Variants in GALNT17 observed in about 807,000 individuals in gnomAD.
GALNT17 encodes polypeptide N-acetylgalactosaminyltransferase 17.
A neutral mutation model predicts 63.7 loss-of-function variants in GALNT17; 29 were observed. The observed-to-expected ratio is 0.46, with a 90% CI of 0.34 to 0.62. The LOEUF (loss-of-function observed/expected upper bound fraction) is 0.62, where lower values mean the gene tolerates loss of function less well. Among genes scored for constraint, GALNT17 ranks in the 20% least tolerant of loss-of-function variants. The probability of loss-of-function intolerance (pLI) is 0.01; values close to 1 mark genes in which losing one functional copy is unlikely to be tolerated. For missense variants in GALNT17, 603 were observed against 799.6 expected (o/e 0.75, Z 2.97); for synonymous variants, 305 against 318.3 (o/e 0.96, Z 0.45).
chr7:71,354,742 C>A (rs1792251693), intron 2 of GALNT17, among the ~76,000 whole-genome samples: 1 of 152,082 alleles, frequency 6.6e-6, no homozygotes, highest in Non-Finnish European at 1.5e-5. Flanking sequence ...GGTTTTCAAT[C>A]CTCTGGAACA....
At chr7:71,207,497 C>T (rs1309177996) in intron 1 of GALNT17, among the ~76,000 whole-genome samples, 2 of 152,074 alleles carry the variant, frequency 1.3e-5, no homozygotes, top group Non-Finnish European at 2.9e-5. Context: ...TCTTCTTCTG[C>T]TATGCAGTAC....
intron 1 of GALNT17, among the ~76,000 whole-genome samples, chr7:71,294,599 G>A (rs1791044194): frequency 6.6e-6 from 1 of 151,684 alleles, no homozygotes; most frequent in African/African-American, 2.4e-5. Context: ...ATTTTTAGTG[G>A]AAATGGAGTT....
intron 2 of GALNT17, among the ~76,000 whole-genome samples, chr7:71,364,714 C>G (rs971611683): frequency 1.3e-5 from 2 of 152,152 alleles, no homozygotes; most frequent in African/African-American, 4.8e-5. Context: ...GAAGGCATGA[C>G]TTTGCCTACT....
At chr7:71,504,643 A>G (rs1359784289) in intron 5 of GALNT17, among the ~76,000 whole-genome samples, 3 of 152,148 alleles carry the variant, frequency 2.0e-5, no homozygotes, top group Non-Finnish European at 4.4e-5. Context: ...TTACTTATTT[A>G]CATAGTTTAC....
rs1189549488 is a variant in GALNT17, at chr7:71,401,080, C to CTTTTCT, written c.589+12696_589+12701dup. On this transcript the variant is annotated intron_variant, in intron 3 of 10. Transcript: ENST00000333538. ...TTTTACAATTAGTGTCCTCAATACTCTTTTCTTTTTCTTTTTCTTTTTTTT... is the reference window on the plus strand; with the variant it reads ...TTTTACAATTAGTGTCCTCAATACTCTTTTCTTTTTCTTTTTCTTTTTCTTTTTTTT... 6.0e-4 allele frequency among the ~76,000 whole-genome samples: 89 copies of CTTTTCT among 149,426 alleles called. 2 individuals are homozygous for CTTTTCT. The highest frequency in any genetic ancestry group is 2.1e-4 in the South Asian group (1 of 4,764).
intron 3 of GALNT17, among the ~76,000 whole-genome samples, chr7:71,403,490 C>T (rs1793274457): frequency 6.6e-6 from 1 of 152,166 alleles, no homozygotes. Context: ...TCTCCGCTAG[C>T]TAGAAGAAAC....
At chr7:71,488,202 G>A (rs1440423160) in intron 5 of GALNT17, among the ~76,000 whole-genome samples, 4 of 148,940 alleles carry the variant, frequency 2.7e-5, no homozygotes, top group African/African-American at 9.9e-5. Flanking sequence ...GCCAAGGTAA[G>A]AGGCAAGCCT....
chr7:71,494,115 T>C (rs1584001013), intron 5 of GALNT17, among the ~76,000 whole-genome samples: 6 of 151,684 alleles, frequency 4.0e-5, no homozygotes, highest in Admixed American at 2.6e-4. Flanking sequence ...CTTATGATCA[T>C]GGCAGAAGGT....
At chr7:71,615,795 T>C (rs913187647) in intron 6 of GALNT17, among the ~76,000 whole-genome samples, 2 of 152,116 alleles carry the variant, frequency 1.3e-5, no homozygotes, top group Non-Finnish European at 1.5e-5. Flanking sequence ...GCTTTCTTAC[T>C]TTTTACTCTG....
At chr7:71,175,555 G>C (rs1028268994) in intron 1 of GALNT17, among the ~76,000 whole-genome samples, 1 of 151,374 alleles carries the variant, frequency 6.6e-6, no homozygotes, top group African/African-American at 2.5e-5. Flanking sequence ...ATGAAATAAA[G>C]AAGGAAGGGA....
rs761963240 is a variant in GALNT17, at chr7:71,415,934, C to T, written c.635C>T (p.Pro212Leu). The T allele has an allele frequency of 6.2e-7, 1 of 1,613,398 alleles. No individual in the cohort carries two copies. Among genetic ancestry groups the T allele is most frequent in the East Asian group, 2.2e-5 (1 of 44,850 alleles). The change falls in exon 4 of 11, where the codon CCC (proline) becomes CTC (leucine). Residue 212 changes from proline to leucine, a missense_variant. By Grantham distance (98) the Pro-to-Leu change is moderately conservative. Transcript: ENST00000333538. ...GAGGAGTATGTCCACAAACGCTACC[C>T]CGGGCTGGTGAAGGTGGTAAGAAAT... ...PLEEYVHKRY[P>L]GLVKVVRNQK...
chr7:71,554,259 A>G (rs546890426), intron 5 of GALNT17, among the ~76,000 whole-genome samples: 2 of 152,234 alleles, frequency 1.3e-5, no homozygotes, highest in African/African-American at 4.8e-5. Context: ...GGTTTTTCCC[A>G]TGCTGTTCTC....
intron 6 of GALNT17, among the ~76,000 whole-genome samples, chr7:71,579,998 A>G (rs1227893411): frequency 1.3e-5 from 2 of 152,082 alleles, no homozygotes; most frequent in Non-Finnish European, 2.9e-5. Context: ...TGATAGAGAT[A>G]GTAGGTAATA....
chr7:71,570,063 G>GTT (rs564920059), intron 5 of GALNT17, among the ~76,000 whole-genome samples: 4 of 140,334 alleles, frequency 2.9e-5, no homozygotes, highest in Middle Eastern at 3.6e-3. Flanking sequence ...TTTTTTGGTT[G>GTT]TTTTTTTTTT....
rs541079409 is a variant in GALNT17, at chr7:71,288,281, G to A, written c.239-47269G>A. On this transcript the variant is annotated intron_variant, in intron 1 of 10. Coordinates refer to ENST00000333538, the MANE Select transcript of GALNT17 (RefSeq NM_022479.3). ...TCCATGTGCTGTTCATTAAATAGAA[G>A]TGTATCGTCATAAAGGTCTTCATCC... Among the ~76,000 whole-genome samples, 17 of 150,274 alleles carry A rather than the reference G, an allele frequency of 1.1e-4. No individual in the cohort carries two copies. The East Asian group carries it at 3.3e-3, about 29-fold the overall frequency.
chr7:71,627,522 A>C (rs1269408094), intron 6 of GALNT17, among the ~76,000 whole-genome samples: 1 of 152,220 alleles, frequency 6.6e-6, no homozygotes, highest in East Asian at 1.9e-4. Flanking sequence ...TGGGCAGTCA[A>C]AGGGCAAATG....
chr7:71,264,611 TGTG>T (rs1488117628), intron 1 of GALNT17, among the ~76,000 whole-genome samples: 7 of 151,932 alleles, frequency 4.6e-5, no homozygotes, highest in African/African-American at 1.7e-4. Context: ...ATAAAGAAAA[TGTG>T]GTGTGTATGC....
At chr7:71,231,812 T>C (rs546899525) in intron 1 of GALNT17, among the ~76,000 whole-genome samples, 7 of 151,816 alleles carry the variant, frequency 4.6e-5, no homozygotes, top group African/African-American at 7.3e-5. Flanking sequence ...TCTCTTCTTA[T>C]AAGGGCACTA....
Position 71,709,332 on chromosome 7 carries a change from CAT to C in GALNT17, c.1501-1428_1501-1427del, listed in dbSNP as rs568014540. Among the ~76,000 whole-genome samples, 770 of 152,262 alleles carry C rather than the reference CAT, an allele frequency of 5.1e-3. 7 individuals carry two copies. The highest frequency in any genetic ancestry group is 0.017 in the African/African-American group (704 of 41,568). On this transcript the variant is annotated intron_variant, in intron 9 of 10. Transcript: ENST00000333538. ...ATTAGTGATGATGAGCATTTTTTCA[CAT>C]GTTTGTTGGCCACTTGTATGTCTTC...
Sources: allele counts gnomAD v4.1 joint callset (sites outside exome capture counted in the v4.1 genomes callset), GRCh38; gene constraint gnomAD v4.1.1; transcripts MANE v1.5; gene names NCBI Gene and HGNC (gene_info 2026-07-23, HGNC 2026-07-21).